Variants in GRAMD4 observed in about 807,000 individuals in gnomAD.
The protein encoded by GRAMD4 is GRAM domain containing 4, also known as GRAM domain-containing protein 4.
A neutral mutation model predicts 83.9 loss-of-function variants in GRAMD4; 25 were observed. The observed-to-expected ratio is 0.30, with a 90% confidence interval of 0.22 to 0.42. The LOEUF is 0.42. Among genes scored for constraint, GRAMD4 ranks in the 10% least tolerant of loss-of-function variants. GRAMD4 has a pLI of 1.00. For synonymous variants in GRAMD4, 336 were observed against 320.9 expected (o/e 1.05, Z -0.50); for missense variants, 593 against 788.7 (o/e 0.75, Z 2.97).
chr22:46,625,367 C>T (rs879803198), intron 1 of GRAMD4, among the ~76,000 whole-genome samples: 1 of 152,164 alleles, frequency 6.6e-6, no homozygotes, highest in Admixed American at 6.5e-5. Flanking sequence ...GCTTTGGGGG[C>T]GGGGCAGGCA....
intron 1 of GRAMD4, among the ~76,000 whole-genome samples, chr22:46,581,899 C>G (rs767634446): frequency 6.6e-6 from 1 of 152,210 alleles, no homozygotes; most frequent in Admixed American, 6.5e-5. Flanking sequence ...CACCTGTAAA[C>G]GAAGGCCTTG....
chr22:46,674,888 C>A, intron 16 of GRAMD4, 138 bp downstream of exon 16: 1 of 685,960 alleles, frequency 1.5e-6, no homozygotes, highest in Non-Finnish European at 2.6e-6. Flanking sequence ...CTGCTCTTGC[C>A]GGCTGTCTGG....
intron 3 of GRAMD4, among the ~76,000 whole-genome samples, chr22:46,646,737 A>G (rs1302907814): frequency 6.6e-6 from 1 of 152,200 alleles, no homozygotes; most frequent in Non-Finnish European, 1.5e-5. Context: ...TCTGGTGGTG[A>G]AAAGCTAAAC....
At chr22:46,650,354 G>T (rs13053707) in intron 3 of GRAMD4, among the ~76,000 whole-genome samples, 24 of 126,436 alleles carry the variant, frequency 1.9e-4, no homozygotes, top group African/African-American at 3.7e-4. Context: ...TGGGTGGAGG[G>T]CTGCGTGTCG....
chr22:46,658,414 T>C (rs2082277585), intron 4 of GRAMD4, 107 bp downstream of exon 4: 3 of 1,173,944 alleles, frequency 2.6e-6, no homozygotes, highest in Non-Finnish European at 3.6e-6. Context: ...GCAGCATCAT[T>C]CTTGGCCCTG....
At chr22:46,643,250 T>C (rs1278801099) in intron 3 of GRAMD4, among the ~76,000 whole-genome samples, 1 of 145,514 alleles carries the variant, frequency 6.9e-6, no homozygotes, top group Admixed American at 6.8e-5. Flanking sequence ...TATCCATCCA[T>C]CCAACCATCC....
chr22:46,641,028 T>C (rs888123750), intron 3 of GRAMD4, among the ~76,000 whole-genome samples: 3 of 151,800 alleles, frequency 2.0e-5, no homozygotes, highest in Non-Finnish European at 4.4e-5. Context: ...ATCGAGCCGC[T>C]GCACTCCAGC....
In GRAMD4 at chr22:46,678,086, T is replaced by C; in HGVS notation, c.*835T>C. On this transcript the variant is annotated 3_prime_UTR_variant, in exon 19 of 19. Coordinates refer to ENST00000406902, the MANE Select transcript of GRAMD4 (RefSeq NM_015124.5). ...CACATCTTTCTCACACTTTGCTCTT[T>C]GGAAGGCCCAGGAGAACATCCGCGA... 1 of 985,554 alleles carries C rather than the reference T, an allele frequency of 1.0e-6. No homozygotes were observed. Among genetic ancestry groups the C allele is most frequent in the African/African-American group, 1.7e-5 (1 of 57,372 alleles). 61.1% of individuals were successfully genotyped at this position (985,554 alleles called of 1,614,324 possible).
In GRAMD4 at chr22:46,626,764, C is replaced by T. The variant is rs1239383271; in HGVS notation, c.-36C>T. The stretch of plus-strand genomic sequence containing the variant: ...CCTCTCTTGCAGGGAACCCGAGCGT[C>T]ATGTTAGGGTGAAGCAGAGGACCTC... On this transcript the variant is annotated 5_prime_UTR_variant, in exon 2 of 19. Coordinates refer to ENST00000406902, the MANE Select transcript of GRAMD4 (RefSeq NM_015124.5). The T allele has an allele frequency of 4.4e-6, 7 of 1,602,404 alleles. No homozygotes were observed. The African/African-American group carries it at 9.4e-5, about 21-fold the overall frequency.
intron 3 of GRAMD4, among the ~76,000 whole-genome samples, chr22:46,644,881 T>C (rs1433650581): frequency 1.4e-5 from 2 of 141,432 alleles, no homozygotes; most frequent in African/African-American, 5.2e-5. Context: ...TATAGGCACA[T>C]TGCACTGCAC....
intron 1 of GRAMD4, among the ~76,000 whole-genome samples, chr22:46,598,021 G>A (rs770866249): frequency 1.6e-4 from 24 of 151,918 alleles, no homozygotes; most frequent in Admixed American, 6.6e-4. Context: ...TTGCTGTGTC[G>A]CCCAGGCTGG....
At chr22:46,613,611 G>C (rs537063022) in intron 1 of GRAMD4, among the ~76,000 whole-genome samples, 1 of 150,538 alleles carries the variant, frequency 6.6e-6, no homozygotes, top group African/African-American at 2.5e-5. Flanking sequence ...AGGCCGTCTC[G>C]GACAGAGGGC....
At chr22:46,581,348 AC>A (rs1742313444) in intron 1 of GRAMD4, among the ~76,000 whole-genome samples, 1 of 152,294 alleles carries the variant, frequency 6.6e-6, no homozygotes, top group Admixed American at 6.5e-5. Context: ...ACACAGCTTC[AC>A]CCCATTTTAC....
intron 1 of GRAMD4, among the ~76,000 whole-genome samples, chr22:46,586,787 G>C (rs2081154639): frequency 1.3e-5 from 2 of 152,184 alleles, no homozygotes; most frequent in African/African-American, 2.4e-5. Flanking sequence ...AGCAGTGACA[G>C]CCTGCAGGGT....
chr22:46,660,311 G>C (rs111703328), intron 4 of GRAMD4, among the ~76,000 whole-genome samples: 36 of 152,302 alleles, frequency 2.4e-4, no homozygotes, highest in African/African-American at 8.4e-4. Flanking sequence ...TTTACATGGG[G>C]GCGGCGCTTA....
At chr22:46,665,367 G>A (rs1006478596) in intron 8 of GRAMD4, among the ~76,000 whole-genome samples, 3 of 152,332 alleles carry the variant, frequency 2.0e-5, no homozygotes, top group East Asian at 1.9e-4. Flanking sequence ...GGAACCAGCC[G>A]CCCTCTTCTG....
chr22:46,632,058 C>A (rs567101765), intron 2 of GRAMD4, among the ~76,000 whole-genome samples: 23 of 152,380 alleles, frequency 1.5e-4, no homozygotes, highest in Admixed American at 1.5e-3. Flanking sequence ...ACCATGTCCT[C>A]CAGGTGTGCT....
chr22:46,667,946 G>A, intron 10 of GRAMD4, 150 bp from the exon 11 acceptor site: 1 of 627,412 alleles, frequency 1.6e-6, no homozygotes. Context: ...GTGTCCTCCT[G>A]GTGCCAGGTC....
At chr22:46,662,493 G>T (rs1221126072) in intron 5 of GRAMD4, among the ~76,000 whole-genome samples, 1 of 152,258 alleles carries the variant, frequency 6.6e-6, no homozygotes, top group East Asian at 1.9e-4. Context: ...GGTAAACATT[G>T]CTGGTCATCA....
Sources: allele counts gnomAD v4.1 joint callset (sites outside exome capture counted in the v4.1 genomes callset), GRCh38; gene constraint gnomAD v4.1.1; transcripts MANE v1.5; gene names NCBI Gene and HGNC (gene_info 2026-07-23, HGNC 2026-07-21).